The following NWD2 variants were observed in gnomAD, a reference collection of about 807,000 sequenced individuals.
NWD2 encodes NACHT and WD repeat domain-containing protein 2.
NWD2 carries 37 observed loss-of-function variants against 132.7 expected under a neutral mutation model. The ratio of observed to expected loss-of-function variants is 0.28; its 90% confidence interval spans 0.21 to 0.37. The LOEUF (loss-of-function observed/expected upper bound fraction) is 0.37, where lower values mean the gene tolerates loss of function less well. NWD2 is among the 10% of genes least tolerant of loss of function. The probability of loss-of-function intolerance (pLI) is 1.00; values close to 1 mark genes in which losing one functional copy is unlikely to be tolerated. For synonymous variants in NWD2, 705 were observed against 803.0 expected (o/e 0.88, Z 2.06); for missense variants, 1,592 against 2,122.4 (o/e 0.75, Z 4.91).
intron 1 of NWD2, among the ~76,000 whole-genome samples, chr4:37,254,256 A>G (rs1717464865): frequency 6.6e-6 from 1 of 152,360 alleles, no homozygotes; most frequent in African/African-American, 2.4e-5. Flanking sequence ...TAAAAGTTCC[A>G]TTTTGTTGAG....
At chr4:37,261,565 T>C (rs1029771084) in intron 1 of NWD2, among the ~76,000 whole-genome samples, 1 of 152,222 alleles carries the variant, frequency 6.6e-6, no homozygotes, top group Non-Finnish European at 1.5e-5. Context: ...GACTTCTACA[T>C]GCAAGACACT....
At position 37,326,184 on chromosome 4, in the gene NWD2, GTA is replaced by G. The variant is rs1719169418; in HGVS notation, c.240+162_240+163del. Among the ~76,000 whole-genome samples the G allele has an allele frequency of 6.6e-5, 10 of 152,268 alleles. No homozygotes were observed. The South Asian group carries it at 2.1e-3, about 32-fold the overall frequency. ...AGAAACACTGACAAATGGAAATAAA[GTA>G]TTTCATCATTTTTTATGTTTAGTTC... On this transcript the variant is annotated intron_variant, in intron 2 of 6. Coordinates refer to ENST00000309447, the MANE Select transcript of NWD2 (RefSeq NM_001144990.2).
At chr4:37,327,027 AC>A (rs1719187367) in intron 2 of NWD2, among the ~76,000 whole-genome samples, 1 of 152,196 alleles carries the variant, frequency 6.6e-6, no homozygotes. Context: ...CATTTACTTG[AC>A]AAATTGTGAA....
intron 5 of NWD2, among the ~76,000 whole-genome samples, chr4:37,435,347 A>G (rs987810986): frequency 2.0e-5 from 3 of 152,250 alleles, no homozygotes; most frequent in Non-Finnish European, 2.9e-5. Flanking sequence ...GGTGAAGCTC[A>G]GAGAAGTTAC....
rs1341214247 is a variant in NWD2, at chr4:37,439,437, T to A, written c.1296+47T>A. On this transcript the variant is annotated intron_variant, in intron 6 of 6. Transcript: ENST00000309447. The surrounding 1 kb of genome is among the most constrained non-coding windows in gnomAD (Gnocchi z 4.5). The stretch of plus-strand genomic sequence containing the variant: ...TGTATATTTGTAAAAACTTGTACTT[T>A]TGGAAAATGGTAAATTAATCAAATT... 3.2e-6 allele frequency: 4 copies of A among 1,237,708 alleles called. No individual in the cohort carries two copies. In the Admixed American group the frequency reaches 1.2e-4, roughly 38 times the overall value. The allele number at this position is 1,237,708 out of a possible 1,614,324, so 76.7% of individuals were successfully genotyped here.
chr4:37,376,067 T>G lies in NWD2; in HGVS notation c.357+19585T>G, dbSNP rs1420959205. ...AGACATGAAGGTCATTATCAAGTGT[T>G]TATTACAAATATTGATGAATTTAAC... is the stretch of plus-strand genomic sequence containing the variant. On this transcript the variant is annotated intron_variant, in intron 3 of 6. Transcript: ENST00000309447. Among the ~76,000 whole-genome samples, 2 of 152,204 alleles carry G rather than the reference T, an allele frequency of 1.3e-5. 1 individual carries two copies. The highest frequency in any genetic ancestry group is 3.8e-4 in the East Asian group (2 of 5,198).
At chr4:37,425,226 TG>T (rs1711968612) in intron 3 of NWD2, among the ~76,000 whole-genome samples, 1 of 152,196 alleles carries the variant, frequency 6.6e-6, no homozygotes, top group Non-Finnish European at 1.5e-5. Context: ...ACATTTACAG[TG>T]TTGTACAAAC....
intron 3 of NWD2, among the ~76,000 whole-genome samples, chr4:37,357,961 A>C (rs1331897117): frequency 2.0e-5 from 3 of 152,140 alleles, no homozygotes; most frequent in Non-Finnish European, 4.4e-5. Context: ...GGAAACAGCA[A>C]GCAGGCCTCT....
chr4:37,291,606 A>G (rs1718360223), intron 1 of NWD2, among the ~76,000 whole-genome samples: 1 of 152,160 alleles, frequency 6.6e-6, no homozygotes, highest in Non-Finnish European at 1.5e-5. Flanking sequence ...TTAATGGATT[A>G]AAAGGAAACC....
chr4:37,275,142 C>T (rs888981395), intron 1 of NWD2, among the ~76,000 whole-genome samples: 3 of 152,138 alleles, frequency 2.0e-5, no homozygotes, highest in Non-Finnish European at 2.9e-5. Context: ...GTCAAATTGT[C>T]CCTGTTTGTA....
Position 37,445,663 on chromosome 4 carries a change from G to A in NWD2, c.3675G>A (p.Lys1225=). ...LDTGLWKVAE[K]FRAKHNERFI... ...CTGGTCTGTGGAAGGTGGCTGAAAA[G>A]TTCAGAGCCAAGCACAACGAACGCT... Residue 1225 remains lysine (K), a synonymous_variant, in exon 7 of 7, where the codon AAG becomes AAA. Coordinates refer to ENST00000309447, the MANE Select transcript of NWD2 (RefSeq NM_001144990.2). The surrounding 1 kb of genome is among the most constrained non-coding windows in gnomAD (Gnocchi z 4.7). 2 of 1,552,172 alleles carry A rather than the reference G, an allele frequency of 1.3e-6. No individual in the cohort carries two copies. Among genetic ancestry groups the A allele is most frequent in the Non-Finnish European group, 8.7e-7 (1 of 1,147,118 alleles).
At chr4:37,352,773 A>G (rs1719796263) in intron 2 of NWD2, among the ~76,000 whole-genome samples, 1 of 152,168 alleles carries the variant, frequency 6.6e-6, no homozygotes, top group African/African-American at 2.4e-5. Context: ...GGTCTCCTGA[A>G]TACAGCACAC....
chr4:37,267,665 T>G (rs1717784019), intron 1 of NWD2, among the ~76,000 whole-genome samples: 2 of 152,106 alleles, frequency 1.3e-5, no homozygotes, highest in South Asian at 4.1e-4. Context: ...GACCGGTGTT[T>G]TTGAAGTACC....
At chr4:37,438,436 A>G (rs1439769928) in intron 5 of NWD2, among the ~76,000 whole-genome samples, 3 of 152,094 alleles carry the variant, frequency 2.0e-5, no homozygotes, top group Non-Finnish European at 1.5e-5. Flanking sequence ...CCTGGCCCAG[A>G]TGGGTCCCTG....
At position 37,322,093 on chromosome 4, in the gene NWD2, A is replaced by G. The variant is rs376810039; in HGVS notation, c.152-3843A>G. 5.3e-5 allele frequency among the ~76,000 whole-genome samples: 8 copies of G among 152,308 alleles called. No homozygotes were observed. The South Asian group carries it at 1.4e-3, about 28-fold the overall frequency. On this transcript the variant is annotated intron_variant, in intron 1 of 6. Coordinates refer to ENST00000309447, the MANE Select transcript of NWD2 (RefSeq NM_001144990.2). ...TTCTGGAGGCAATTGCAGGGAAACC[A>G]TGCCTGTCAGTTCATTTTTGTCACT...
chr4:37,253,239 A>T (rs1717418392), intron 1 of NWD2, among the ~76,000 whole-genome samples: 1 of 152,250 alleles, frequency 6.6e-6, no homozygotes, highest in African/African-American at 2.4e-5. Flanking sequence ...TGTTAAAAAG[A>T]CTAAAGAGTT....
chr4:37,370,168 T>C (rs1720185641), intron 3 of NWD2, among the ~76,000 whole-genome samples: 1 of 152,234 alleles, frequency 6.6e-6, no homozygotes, highest in African/African-American at 2.4e-5. Context: ...TGTTTACGCA[T>C]GATATCTCTG....
rs1405292956 is a variant in NWD2, at chr4:37,245,169, C to A, written c.102C>A (p.Leu34=). Residue 34 remains leucine, a synonymous_variant, in exon 1 of 7, where the codon CTC becomes CTA. Transcript: ENST00000309447. ...ACCTCACGGCCCTGCCCTCTCACCT[C>A]GTGCCCGCCGGCCGCAGCGTCCGGG... The part of the protein sequence containing the change: ...SGNLTALPSH[L]VPAGRSVRVF... The A allele has an allele frequency of 6.5e-7, 1 of 1,545,430 alleles. No homozygotes were observed. The highest frequency in any genetic ancestry group is 1.2e-5 in the South Asian group (1 of 83,896).
chr4:37,336,952 G>GAAAAAAAAAAAAAAAAAAAAAAAAAAAA (rs11371327), intron 2 of NWD2, among the ~76,000 whole-genome samples: 1 of 119,004 alleles, frequency 8.4e-6, no homozygotes, highest in African/African-American at 3.1e-5. Context: ...CTCAAAAAAA[G>GAAAAAAAAAAAAAAAAAAAAAAAAAAAA]AAAAAAAAAA....
Sources: gnomAD v4.1 joint callset for allele counts (sites outside exome capture counted in the v4.1 genomes callset) on GRCh38, gnomAD v4.1.1 for gene constraint, Gnocchi (gnomAD v3.1) non-coding constraint, MANE v1.5 for transcripts, NCBI Gene and HGNC (gene_info 2026-07-23, HGNC 2026-07-21) for gene names.